Variants in MAPDA observed in about 807,000 individuals in gnomAD.
MAPDA encodes N6,N6-dimethyl-AMP deaminase.
the MAPDA span, chr15:43,335,170 G>A: frequency 6.2e-7 from 1 of 1,613,538 alleles, no homozygotes; most frequent in Non-Finnish European, 8.5e-7. Context: ...TGCCAAAAGT[G>A]GTGAGAATTC....
chr15:43,349,102 A>G, the MAPDA span: 4 of 1,611,726 alleles, frequency 2.5e-6, no homozygotes, highest in Admixed American at 5.0e-5. Flanking sequence ...CCCAATCCCC[A>G]GGTTGCCTGG....
chr15:43,337,357 A>C, the MAPDA span, among the ~76,000 whole-genome samples: 2 of 151,962 alleles, frequency 1.3e-5, no homozygotes, highest in African/African-American at 2.4e-5. Context: ...ATTACATAGG[A>C]GACTTACTGT....
the MAPDA span, chr15:43,336,716 T>G: frequency 6.7e-7 from 1 of 1,487,700 alleles, no homozygotes; most frequent in Non-Finnish European, 9.0e-7. Flanking sequence ...TTAGAATGGT[T>G]TAAAAATTAT....
the MAPDA span, among the ~76,000 whole-genome samples, chr15:43,345,314 C>T: frequency 1.4e-5 from 2 of 146,564 alleles, no homozygotes; most frequent in Admixed American, 6.9e-5. Context: ...GAGATTGCAC[C>T]ATTGCACTCC....
chr15:43,334,877 A>G, the MAPDA span: 5 of 424,978 alleles, frequency 1.2e-5, no homozygotes, highest in African/African-American at 1.1e-4. Context: ...TTGCCTTTTA[A>G]AGAAAAAATT....
At chr15:43,330,698 C>T in the MAPDA span, 8 of 487,934 alleles carry the variant, frequency 1.6e-5, no homozygotes, top group Non-Finnish European at 2.9e-5. Context: ...TCGCTTGCGG[C>T]TGACCTTTCT....
the MAPDA span, among the ~76,000 whole-genome samples, chr15:43,334,503 C>A: frequency 6.6e-6 from 1 of 150,638 alleles, no homozygotes; most frequent in East Asian, 1.9e-4. Flanking sequence ...TGGCATGTAC[C>A]TGTAATCCCA....
chr15:43,334,633 T>TTATATATATGTATATATATATATATATA, the MAPDA span, among the ~76,000 whole-genome samples: 1 of 65,142 alleles, frequency 1.5e-5, no homozygotes, highest in African/African-American at 3.3e-5. Flanking sequence ...CTCAAAAAAA[T>TTATATATATGTATATATATATATATATA]TATATATATA....
At chr15:43,351,899 T>G in the MAPDA span, 1 of 1,551,558 alleles carries the variant, frequency 6.4e-7, no homozygotes, top group South Asian at 1.2e-5. Context: ...AGATCTGAAC[T>G]GAGGAAGAAA....
At chr15:43,330,515 G>A in the MAPDA span, 5 of 1,510,914 alleles carry the variant, frequency 3.3e-6, no homozygotes, top group African/African-American at 5.6e-5. Flanking sequence ...AGGAATGGCA[G>A]TCTGTCACGG....
the MAPDA span, chr15:43,335,276 T>A: frequency 1.6e-6 from 2 of 1,215,240 alleles, no homozygotes; most frequent in Non-Finnish European, 1.2e-6. Context: ...GGCTCATGCC[T>A]GAAATTCTGG....
the MAPDA span, chr15:43,330,470 T>C: frequency 6.6e-7 from 1 of 1,523,384 alleles, no homozygotes. Context: ...TGCCCGACGC[T>C]CACGGCTCCG....
chr15:43,349,485 T>G, the MAPDA span: 1 of 412,130 alleles, frequency 2.4e-6, no homozygotes, highest in Non-Finnish European at 3.3e-6. Flanking sequence ...TACTTTGTTG[T>G]CATTGCTGTC....
chr15:43,349,007 A>C, the MAPDA span: 1 of 1,614,142 alleles, frequency 6.2e-7, no homozygotes, highest in Non-Finnish European at 8.5e-7. Context: ...GGATCCCTGG[A>C]TCTGGTGGAC....
the MAPDA span, among the ~76,000 whole-genome samples, chr15:43,348,203 G>A: frequency 1.3e-5 from 2 of 152,176 alleles, no homozygotes; most frequent in Admixed American, 6.5e-5. Flanking sequence ...GGTGATTGTG[G>A]TATGTACATA....
the MAPDA span, chr15:43,351,831 T>C: frequency 1.9e-6 from 3 of 1,551,720 alleles, no homozygotes; most frequent in Non-Finnish European, 2.6e-6. Flanking sequence ...TGACCCAGTC[T>C]CAGGTGTGGG....
the MAPDA span, chr15:43,335,080 G>A: frequency 5.6e-6 from 9 of 1,609,110 alleles, no homozygotes; most frequent in Admixed American, 6.7e-5. Flanking sequence ...GAATAAGAGT[G>A]GAGAAGAATC....
At chr15:43,342,329 T>G in the MAPDA span, among the ~76,000 whole-genome samples, 1 of 151,680 alleles carries the variant, frequency 6.6e-6, no homozygotes, top group African/African-American at 2.4e-5. Context: ...GCACTCAGAC[T>G]TGGAAGAACA....
the MAPDA span, among the ~76,000 whole-genome samples, chr15:43,347,274 T>C: frequency 6.6e-6 from 1 of 152,216 alleles, no homozygotes; most frequent in South Asian, 2.1e-4. Flanking sequence ...ACTGTTACTG[T>C]TTTTATCCTT....
Sources: allele counts gnomAD v4.1 joint callset (sites outside exome capture counted in the v4.1 genomes callset), GRCh38; gene constraint gnomAD v4.1.1; transcripts MANE v1.5; gene names NCBI Gene and HGNC (gene_info 2026-07-23, HGNC 2026-07-21).